Variants in RALGPS1 observed in about 807,000 individuals in gnomAD.
RALGPS1 encodes ras-specific guanine nucleotide-releasing factor RalGPS1.
Under a neutral mutation model 78.8 loss-of-function variants are expected in RALGPS1, and 19 were observed. The observed-to-expected ratio is 0.24, with a 90% CI of 0.17 to 0.35. RALGPS1 has a LOEUF of 0.35. RALGPS1 is among the 10% of genes least tolerant of loss of function. RALGPS1 has a pLI of 1.00. For missense variants in RALGPS1, 454 were observed against 688.3 expected (o/e 0.66, Z 3.81); for synonymous variants, 228 against 256.3 (o/e 0.89, Z 1.06).
In RALGPS1 at chr9:126,914,843, G is replaced by A. The variant is rs917507222; in HGVS notation, c.-198G>A. 2.0e-5 allele frequency: 3 copies of A among 152,258 alleles called. No homozygotes were observed. The highest frequency in any genetic ancestry group is 7.2e-5 in the African/African-American group (3 of 41,416). The allele number at this position is 152,258 out of a possible 1,614,324, so 9.4% of individuals were successfully genotyped here. A position where few individuals can be genotyped will look rare whatever the true frequency, so the allele number is the denominator to read the frequency against. ...ACCGGCTCCGCTCCCGCGTCTGCCC[G>A]CGCTCCAGCTGCGCCTGGCCCGGCC... is the stretch of plus-strand genomic sequence containing the variant. On this transcript the variant is annotated 5_prime_UTR_variant, in exon 1 of 19. Coordinates refer to ENST00000259351, the MANE Select transcript of RALGPS1 (RefSeq NM_014636.3).
At chr9:126,957,999 A>G (rs1373968231) in intron 1 of RALGPS1, among the ~76,000 whole-genome samples, 2 of 151,592 alleles carry the variant, frequency 1.3e-5, no homozygotes, top group Non-Finnish European at 2.9e-5. Context: ...ATAGCTGGGC[A>G]TGGTGGCACG....
chr9:126,923,304 AAC>A (rs1199971552), intron 1 of RALGPS1, among the ~76,000 whole-genome samples: 1 of 152,186 alleles, frequency 6.6e-6, no homozygotes, highest in Non-Finnish European at 1.5e-5. Flanking sequence ...AGAGAGGTTA[AAC>A]ACATTGCCCA....
At chr9:127,210,681 CT>C in intron 14 of RALGPS1, 1 of 1,546,774 alleles carries the variant, frequency 6.5e-7, no homozygotes, top group Non-Finnish European at 8.7e-7. Flanking sequence ...AAATTTAACC[CT>C]TTTCCTCTGA....
At position 127,222,307 on chromosome 9, in the gene RALGPS1, G is replaced by A. The variant is rs980272625; in HGVS notation, c.*3538G>A. 6.6e-6 allele frequency: 1 copy of A among 152,210 alleles called. No individual in the cohort carries two copies. Among genetic ancestry groups the A allele is most frequent in the African/African-American group, 2.4e-5 (1 of 41,452 alleles). The allele number at this position is 152,210 out of a possible 1,614,324, so 9.4% of individuals were successfully genotyped here. On this transcript the variant is annotated 3_prime_UTR_variant, in exon 19 of 19. Transcript: ENST00000259351. ...GCTCAACAGACTGAATGGCCTCTTG[G>A]TCTGCGAAAATTCAGTTGCAATGAG... is the stretch of plus-strand genomic sequence containing the variant.
chr9:127,032,461 G>T (rs1320521823), intron 4 of RALGPS1, among the ~76,000 whole-genome samples: 1 of 152,174 alleles, frequency 6.6e-6, no homozygotes, highest in Non-Finnish European at 1.5e-5. Context: ...TAGAAATTGG[G>T]CAACAACCGT....
At position 127,218,639 on chromosome 9, in the gene RALGPS1, C is replaced by A; in HGVS notation, c.1645-101C>A. 3.1e-6 allele frequency: 4 copies of A among 1,294,808 alleles called. No individual in the cohort carries two copies. Among genetic ancestry groups the A allele is most frequent in the Non-Finnish European group, 4.5e-6 (4 of 889,708 alleles). The allele number at this position is 1,294,808 out of a possible 1,614,324, so 80.2% of individuals were successfully genotyped here. A position where few individuals can be genotyped will look rare whatever the true frequency, so the allele number is the denominator to read the frequency against. On this transcript the variant is annotated intron_variant, in intron 18 of 18. Transcript: ENST00000259351. This position sits in a 1 kb window ranked among gnomAD's most constrained non-coding sequence, Gnocchi z 4.4. ...TCTCCCTACCCAACCTGCTCATTCC[C>A]AGACTCACGGGGAAAGGCCTGTCCC...
intron 11 of RALGPS1, among the ~76,000 whole-genome samples, chr9:127,177,195 G>A (rs1352782236): frequency 6.6e-6 from 1 of 152,092 alleles, no homozygotes; most frequent in Non-Finnish European, 1.5e-5. Flanking sequence ...TGAGTGGGTG[G>A]GTGGGTGGAT....
chr9:127,174,749 C>T lies in RALGPS1; in HGVS notation c.877C>T (p.Pro293Ser), dbSNP rs772097571. 2 of 1,614,030 alleles carry T rather than the reference C, an allele frequency of 1.2e-6. No individual in the cohort carries two copies. The highest frequency in any genetic ancestry group is 2.7e-5 in the African/African-American group (2 of 74,922). ...CAGAATCGAACCAGGAAGCAGCTCT[C>T]CAAGACTAGTCTCTTCCAAGGAAGA... ...SLRIEPGSSS[P>S]RLVSSKEDLA... is the part of the protein sequence containing the mutation. The change falls in exon 11 of 19, where the codon CCA becomes TCA. Residue 293 changes from proline (P) to serine (S), a missense_variant. Coordinates refer to ENST00000259351, the MANE Select transcript of RALGPS1 (RefSeq NM_014636.3).
chr9:127,050,488 G>T (rs531508456), intron 6 of RALGPS1, among the ~76,000 whole-genome samples: 3 of 152,290 alleles, frequency 2.0e-5, no homozygotes. Flanking sequence ...AGTTCTGGGG[G>T]TTGATGGATT....
intron 4 of RALGPS1, among the ~76,000 whole-genome samples, chr9:127,000,571 G>A (rs1588942005): frequency 1.1e-5 from 1 of 87,546 alleles, no homozygotes; most frequent in Admixed American, 1.6e-4. Context: ...TTTTTGAGAT[G>A]GAGTTTCACT....
At chr9:127,186,157 G>GT (rs1217598645) in intron 11 of RALGPS1, among the ~76,000 whole-genome samples, 2 of 152,180 alleles carry the variant, frequency 1.3e-5, no homozygotes, top group African/African-American at 4.8e-5. Flanking sequence ...TGAAAGAAGT[G>GT]TAATGAAAAC....
intron 11 of RALGPS1, among the ~76,000 whole-genome samples, chr9:127,182,352 CCCTTCCTTCCTT>C (rs1166804325): frequency 1.0e-5 from 1 of 97,054 alleles, no homozygotes; most frequent in Admixed American, 1.0e-4. Context: ...CTTCCTTCCT[CCCTTCCTTCCTT>C]CCTTCCTCCC....
intron 8 of RALGPS1, chr9:127,108,830 G>A: frequency 7.8e-7 from 1 of 1,284,772 alleles, no homozygotes; most frequent in East Asian, 2.5e-5. Context: ...CACTGTCAGT[G>A]CCCTGTGCCA....
chr9:127,151,373 A>T (rs965406651), intron 8 of RALGPS1, among the ~76,000 whole-genome samples: 4 of 152,200 alleles, frequency 2.6e-5, no homozygotes, highest in East Asian at 1.9e-4. Context: ...CTAAGGGAAA[A>T]TATCCTTCTT....
At chr9:127,209,151 C>A (rs981514785) in intron 14 of RALGPS1, among the ~76,000 whole-genome samples, 1 of 152,246 alleles carries the variant, frequency 6.6e-6, no homozygotes, top group Non-Finnish European at 1.5e-5. Flanking sequence ...CATTGTCAGA[C>A]CCTGCTCAGA....
At chr9:127,098,311 G>A (rs1022822574) in intron 8 of RALGPS1, among the ~76,000 whole-genome samples, 5 of 152,162 alleles carry the variant, frequency 3.3e-5, no homozygotes, top group Non-Finnish European at 5.9e-5. Context: ...TTAACTTGGC[G>A]CCCCTTCTGA....
At chr9:127,145,099 A>G (rs2058022904) in intron 8 of RALGPS1, among the ~76,000 whole-genome samples, 2 of 152,226 alleles carry the variant, frequency 1.3e-5, no homozygotes, top group Admixed American at 1.3e-4. Flanking sequence ...GAGATAAGAA[A>G]TAGAGCTGCT....
intron 1 of RALGPS1, among the ~76,000 whole-genome samples, 188 bp downstream of exon 1, chr9:126,915,163 G>T: frequency 6.9e-6 from 1 of 145,536 alleles, no homozygotes; most frequent in Non-Finnish European, 1.5e-5. Context: ...CCGTGCCTGC[G>T]GGTGCCCGGC....
intron 4 of RALGPS1, among the ~76,000 whole-genome samples, chr9:127,014,793 T>G (rs912252968): frequency 6.6e-6 from 1 of 152,126 alleles, no homozygotes; most frequent in African/African-American, 2.4e-5. Flanking sequence ...CAGCCTTTTC[T>G]AAGTGATGTT....
Sources: allele counts gnomAD v4.1 joint callset (sites outside exome capture counted in the v4.1 genomes callset), GRCh38; gene constraint gnomAD v4.1.1; non-coding constraint Gnocchi (gnomAD v3.1); transcripts MANE v1.5; gene names NCBI Gene and HGNC (gene_info 2026-07-23, HGNC 2026-07-21).